Variants in KCND2 observed in about 807,000 individuals in gnomAD.
KCND2 encodes A-type voltage-gated potassium channel KCND2.
KCND2 carries 16 observed loss-of-function variants against 54.4 expected under a neutral mutation model. The observed-to-expected ratio is 0.29, with a 90% CI of 0.20 to 0.45. The LOEUF is 0.45. Ranked by LOEUF, KCND2 falls within the 20% of genes least tolerant of loss-of-function variation. The probability of loss-of-function intolerance (pLI) is 1.00; values close to 1 mark genes in which losing one functional copy is unlikely to be tolerated. For missense variants in KCND2, 486 were observed against 824.2 expected, an observed-to-expected ratio of 0.59 and a Z score of 5.02; for synonymous variants, 317 against 310.7, an observed-to-expected ratio of 1.02 and a Z score of -0.21.
chr7:120,472,012 A>G (rs1802460864), intron 1 of KCND2, among the ~76,000 whole-genome samples: 1 of 151,912 alleles, frequency 6.6e-6, no homozygotes, highest in Non-Finnish European at 1.5e-5. Context: ...TACTGTTATT[A>G]TCTCCATTTT....
rs187132567 is a variant in KCND2, at chr7:120,697,917, T to C, written c.1116-34986T>C. On this transcript the variant is annotated intron_variant, in intron 1 of 5. Transcript: ENST00000331113. ...AATCGTGGTCATAGATTTTTAAACA[T>C]CACATCACTATATGTATTTCTTTTA... 3.3e-5 allele frequency among the ~76,000 whole-genome samples: 5 copies of C among 152,054 alleles called. No homozygotes were observed. In the East Asian group the frequency reaches 9.7e-4, roughly 29 times the overall value.
intron 1 of KCND2, among the ~76,000 whole-genome samples, chr7:120,564,865 A>G (rs1792277413): frequency 6.6e-6 from 1 of 152,196 alleles, no homozygotes; most frequent in Non-Finnish European, 1.5e-5. Flanking sequence ...TGATTCTGGT[A>G]TATGTTTCAA....
At chr7:120,484,350 C>T (rs951672182) in intron 1 of KCND2, among the ~76,000 whole-genome samples, 3 of 151,994 alleles carry the variant, frequency 2.0e-5, no homozygotes, top group Non-Finnish European at 2.9e-5. Context: ...AAATGGGGTG[C>T]CACTGTGCTG....
chr7:120,484,309 C>G (rs767057096), intron 1 of KCND2, among the ~76,000 whole-genome samples: 14 of 152,140 alleles, frequency 9.2e-5, no homozygotes, highest in Non-Finnish European at 2.1e-4. Flanking sequence ...GTGCATGACA[C>G]TGTTCCCAGC....
intron 1 of KCND2, among the ~76,000 whole-genome samples, chr7:120,462,510 G>C (rs1802298215): frequency 6.6e-6 from 1 of 151,786 alleles, no homozygotes; most frequent in South Asian, 2.1e-4. Context: ...ATGGGTTTCT[G>C]GCCAAGAGGA....
intron 1 of KCND2, among the ~76,000 whole-genome samples, chr7:120,307,461 A>G (rs1192203740): frequency 6.6e-6 from 1 of 152,066 alleles, no homozygotes; most frequent in Non-Finnish European, 1.5e-5. Flanking sequence ...AACATAGTGT[A>G]TTCACAGTGT....
intron 1 of KCND2, among the ~76,000 whole-genome samples, chr7:120,658,921 G>C (rs746021999): frequency 1.3e-4 from 20 of 152,168 alleles, no homozygotes; most frequent in Admixed American, 2.6e-4. Context: ...TGAGTACTGA[G>C]AAAATAAAAA....
chr7:120,404,766 T>C (rs1017775858), intron 1 of KCND2, among the ~76,000 whole-genome samples: 1 of 103,108 alleles, frequency 9.7e-6, no homozygotes, highest in Non-Finnish European at 2.0e-5. Flanking sequence ...CACTGATTTT[T>C]GGGGGGGGAC....
chr7:120,479,571 A>G (rs976411554), intron 1 of KCND2, among the ~76,000 whole-genome samples: 24 of 151,870 alleles, frequency 1.6e-4, no homozygotes, highest in Middle Eastern at 6.8e-3. Context: ...TGGAAATAAA[A>G]TGGTGTTTTC....
chr7:120,697,214 G>C (rs1215967312), intron 1 of KCND2, among the ~76,000 whole-genome samples: 1 of 152,168 alleles, frequency 6.6e-6, no homozygotes, highest in Non-Finnish European at 1.5e-5. Flanking sequence ...AAAGAAATCA[G>C]AGGATAACTT....
At chr7:120,351,275 A>T (rs1800397923) in intron 1 of KCND2, among the ~76,000 whole-genome samples, 1 of 125,320 alleles carries the variant, frequency 8.0e-6, no homozygotes, top group Non-Finnish European at 1.7e-5. Context: ...TATCCAGTAT[A>T]TTATTTCAGG....
intron 1 of KCND2, among the ~76,000 whole-genome samples, chr7:120,655,544 T>A (rs939879179): frequency 6.6e-6 from 1 of 152,076 alleles, no homozygotes; most frequent in African/African-American, 2.4e-5. Flanking sequence ...TATGCAGTAG[T>A]TGAAGGGGAA....
chr7:120,651,294 C>G, intron 1 of KCND2, among the ~76,000 whole-genome samples: 1 of 105,100 alleles, frequency 9.5e-6, no homozygotes, highest in Admixed American at 8.2e-5. Context: ...ACTTTGTTTA[C>G]CTACTCAAGC....
At position 120,312,287 on chromosome 7, in the gene KCND2, T is replaced by C. The variant is rs1038436665; in HGVS notation, c.1115+36540T>C. Among the ~76,000 whole-genome samples, 3 of 152,168 alleles carry C rather than the reference T, an allele frequency of 2.0e-5. No individual in the cohort carries two copies. In the South Asian group the frequency reaches 6.2e-4, roughly 32 times the overall value. ...ATTCTCTTTATCCAGTGTGTCATTATTGATGGGCATTTAGGTTGATTTTAT... is the reference window on the plus strand; with the variant it reads ...ATTCTCTTTATCCAGTGTGTCATTACTGATGGGCATTTAGGTTGATTTTAT... On this transcript the variant is annotated intron_variant, in intron 1 of 5. Coordinates refer to ENST00000331113, the MANE Select transcript of KCND2 (RefSeq NM_012281.3).
intron 1 of KCND2, among the ~76,000 whole-genome samples, chr7:120,627,330 G>A (rs992554192): frequency 6.6e-6 from 1 of 152,090 alleles, no homozygotes; most frequent in African/African-American, 2.4e-5. Flanking sequence ...ATAAACATAT[G>A]AGAAATGTTA....
At chr7:120,681,585 A>AGTAT (rs925705298) in intron 1 of KCND2, among the ~76,000 whole-genome samples, 1 of 151,962 alleles carries the variant, frequency 6.6e-6, no homozygotes, top group African/African-American at 2.4e-5. Flanking sequence ...AAAATGAAGA[A>AGTAT]GTATGTATTG....
At chr7:120,422,000 G>T (rs1398145705) in intron 1 of KCND2, among the ~76,000 whole-genome samples, 3 of 152,174 alleles carry the variant, frequency 2.0e-5, no homozygotes, top group African/African-American at 4.8e-5. Flanking sequence ...AGGGCAGAAG[G>T]TTGTTCAGTA....
intron 1 of KCND2, among the ~76,000 whole-genome samples, chr7:120,554,622 A>G (rs1328891910): frequency 6.6e-6 from 1 of 151,934 alleles, no homozygotes; most frequent in African/African-American, 2.4e-5. Flanking sequence ...GTTAGCCAGG[A>G]TGGTGTCGAT....
chr7:120,482,563 G>C (rs75215959), intron 1 of KCND2, among the ~76,000 whole-genome samples: 4,112 of 152,284 alleles, frequency 0.027, 84 homozygotes, highest in Non-Finnish European at 0.045. Context: ...ACTTTAGGAG[G>C]TAATTAATCC....
Sources: gnomAD v4.1 joint callset for allele counts (sites outside exome capture counted in the v4.1 genomes callset) on GRCh38, gnomAD v4.1.1 for gene constraint, MANE v1.5 for transcripts, NCBI Gene and HGNC (gene_info 2026-07-23, HGNC 2026-07-21) for gene names.